The following RUNDC3A variants were observed in gnomAD, a reference collection of about 807,000 sequenced individuals.
The protein encoded by RUNDC3A is RUN domain containing 3A.
A neutral mutation model predicts 53.9 loss-of-function variants in RUNDC3A; 28 were observed. That is an observed-to-expected ratio of 0.52 (90% CI 0.38 to 0.71). RUNDC3A has a LOEUF of 0.71. Among genes scored for constraint, RUNDC3A ranks in the 30% least tolerant of loss-of-function variants. The pLI is 0.00. For missense variants in RUNDC3A, 491 were observed against 597.3 expected, an observed-to-expected ratio of 0.82 and a Z score of 1.85; for synonymous variants, 232 against 249.4, an observed-to-expected ratio of 0.93 and a Z score of 0.66.
intron 1 of RUNDC3A, among the ~76,000 whole-genome samples, chr17:44,311,685 T>C: frequency 6.6e-6 from 1 of 152,082 alleles, no homozygotes; most frequent in Admixed American, 6.5e-5. Context: ...ATCCCTGCCC[T>C]ACTCCATTGC....
chr17:44,314,191 G>A (rs2047806624), intron 4 of RUNDC3A: 1 of 996,326 alleles, frequency 1.0e-6, no homozygotes, highest in Admixed American at 5.6e-5. Flanking sequence ...CGGACACAGA[G>A]TCCTTATATG....
At position 44,308,696 on chromosome 17, in the gene RUNDC3A, C is replaced by G; in HGVS notation, c.-137C>G. On this transcript the variant is annotated 5_prime_UTR_variant, in exon 1 of 11. Transcript: ENST00000426726. ...GAGCGAGGGGGCCGGGCACCGGGCG[C>G]AAAGGCAGGGGGATGGCCATGGAAG... 1 of 489,052 alleles carries G rather than the reference C, an allele frequency of 2.0e-6. No homozygotes were observed. Among genetic ancestry groups the G allele is most frequent in the Middle Eastern group, 5.5e-4 (1 of 1,816 alleles). 30.3% of individuals were successfully genotyped at this position (489,052 alleles called of 1,614,324 possible). A position where few individuals can be genotyped will look rare whatever the true frequency, so the allele number is the denominator to read the frequency against.
chr17:44,317,811 G>C (rs1323024762), intron 10 of RUNDC3A: 16 of 595,080 alleles, frequency 2.7e-5, no homozygotes, highest in East Asian at 1.7e-4. Flanking sequence ...CCAGTGCTTG[G>C]AACAGAGCGA....
In RUNDC3A at chr17:44,314,968, C is replaced by T. The variant is rs773530573; in HGVS notation, c.588C>T (p.Pro196=). Residue 196 remains proline (P), a synonymous_variant, in exon 6 of 11, where the codon CCC becomes CCT. Coordinates refer to ENST00000426726, the MANE Select transcript of RUNDC3A (RefSeq NM_001144825.2). ...LKGEVLDGKT[P]VVIDYTPYLK... is the part of the protein sequence containing the mutation. The stretch of plus-strand genomic sequence containing the variant: ...GGGAAGTCCTGGACGGGAAGACCCC[C>T]GTGGTCATCGATTACACGCCCTACC... 2 of 1,614,020 alleles carry T rather than the reference C, an allele frequency of 1.2e-6. No individual in the cohort carries two copies. Among genetic ancestry groups the T allele is most frequent in the East Asian group, 2.2e-5 (1 of 44,876 alleles).
intron 1 of RUNDC3A, chr17:44,311,309 G>C (rs1290630464): frequency 1.0e-6 from 1 of 985,396 alleles, no homozygotes; most frequent in African/African-American, 1.7e-5. Context: ...TCCAGGCCTT[G>C]GTCATCACAA....
Position 44,315,620 on chromosome 17 carries a change from G to A in RUNDC3A, c.953+11G>A. 2.1e-6 allele frequency: 3 copies of A among 1,457,470 alleles called. No homozygotes were observed. The highest frequency in any genetic ancestry group is 2.7e-6 in the Non-Finnish European group (3 of 1,098,762). 90.3% of individuals were successfully genotyped at this position (1,457,470 alleles called of 1,614,324 possible). ...GCTGCAGGAGCAGCTGTGAGCGCACGGCCTGCCCTAACCCCTGACCCCCGC... is the reference window on the plus strand; with the variant it reads ...GCTGCAGGAGCAGCTGTGAGCGCACAGCCTGCCCTAACCCCTGACCCCCGC... On this transcript the variant is annotated intron_variant, in intron 8 of 10. Transcript: ENST00000426726. This position sits in a 1 kb window ranked among gnomAD's most constrained non-coding sequence, Gnocchi z 6.1.
In RUNDC3A at chr17:44,315,119, GC is replaced by G; in HGVS notation, c.630-35del. 1.9e-6 allele frequency: 3 copies of G among 1,595,200 alleles called. No homozygotes were observed. The highest frequency in any genetic ancestry group is 2.6e-6 in the Non-Finnish European group (3 of 1,170,636). On this transcript the variant is annotated intron_variant, in intron 6 of 10. Transcript: ENST00000426726. The surrounding 1 kb of genome is among the most constrained non-coding windows in gnomAD (Gnocchi z 6.1). The stretch of plus-strand genomic sequence containing the variant: ...CCAGCGCAGACGCGCGGGGGGAGGG[GC>G]GGGACCGGCCGTGCCCACTGCTCCC...
Position 44,312,668 on chromosome 17 carries a change from G to C in RUNDC3A, c.196G>C (p.Glu66Gln). ...GTTTGTCAATTTTGCAGCCATTTTA[G>C]AGCAGATCCTCAGCCACCGCTTCAA... ...EEFVNFAAIL[E>Q]QILSHRFKAC... Residue 66 changes from glutamate (E) to glutamine (Q), a missense_variant, in exon 2 of 11, where the codon GAG becomes CAG. Glu to Gln is a conservative substitution (Grantham distance 29). Transcript: ENST00000426726. 6.3e-7 allele frequency: 1 copy of C among 1,578,716 alleles called. No individual in the cohort carries two copies. Among genetic ancestry groups the C allele is most frequent in the Non-Finnish European group, 8.6e-7 (1 of 1,162,358 alleles).
chr17:44,309,057 TAA>T, intron 1 of RUNDC3A, 118 bp downstream of exon 1: 2 of 690,390 alleles, frequency 2.9e-6, no homozygotes. Flanking sequence ...GGGTCGAGAA[TAA>T]TGCGTCCACT....
intron 8 of RUNDC3A, 136 bp from the exon 9 acceptor site, chr17:44,316,249 C>A: frequency 1.3e-6 from 1 of 744,398 alleles, no homozygotes; most frequent in Non-Finnish European, 2.2e-6. Flanking sequence ...CGGGATCTGG[C>A]CCACTGACCC....
At chr17:44,309,000 G>A (rs1463653031) in intron 1 of RUNDC3A, 61 bp downstream of exon 1, 9 of 1,196,578 alleles carry the variant, frequency 7.5e-6, no homozygotes, top group Non-Finnish European at 1.1e-5. Flanking sequence ...GGTGGACTGC[G>A]GAAACCCGGA....
Position 44,318,047 on chromosome 17 carries a change from C to G in RUNDC3A, c.1199-49C>G, listed in dbSNP as rs1327886804. The G allele has an allele frequency of 3.3e-6, 5 of 1,527,082 alleles. No individual in the cohort carries two copies. In the Admixed American group the frequency reaches 9.9e-5, roughly 30 times the overall value. The allele number at this position is 1,527,082 out of a possible 1,614,324, so 94.6% of individuals were successfully genotyped here. ...TTCACTGCCCACCCCTCTACCAACT[C>G]CCACACATGTAGACTGGTCGCTTGG... On this transcript the variant is annotated intron_variant, in intron 10 of 10. Transcript: ENST00000426726.
chr17:44,311,341 T>G, intron 1 of RUNDC3A: 1 of 985,528 alleles, frequency 1.0e-6, no homozygotes, highest in Non-Finnish European at 1.2e-6. Context: ...AGGCCACAGA[T>G]GTAGCAGAAA....
rs1598319670 is a variant in RUNDC3A, at chr17:44,308,735, C to T, written c.-98C>T. The T allele has an allele frequency of 4.0e-6, 3 of 744,430 alleles. No individual in the cohort carries two copies. The highest frequency in any genetic ancestry group is 6.2e-6 in the Non-Finnish European group (3 of 481,504). 46.1% of individuals were successfully genotyped at this position (744,430 alleles called of 1,614,324 possible). On this transcript the variant is annotated 5_prime_UTR_variant, in exon 1 of 11. Transcript: ENST00000426726. ...TGGCCATGGAAGGGTTGAGGGGCCC[C>T]GTCGGACAGAGGGCCCAGCCGTGAT... is the stretch of plus-strand genomic sequence containing the variant.
chr17:44,308,806 C>A lies in RUNDC3A; in HGVS notation c.-27C>A, dbSNP rs1426131525. 2.7e-6 allele frequency: 4 copies of A among 1,489,724 alleles called. No individual in the cohort carries two copies. Among genetic ancestry groups the A allele is most frequent in the Non-Finnish European group, 1.8e-6 (2 of 1,090,360 alleles). 92.3% of individuals were successfully genotyped at this position (1,489,724 alleles called of 1,614,324 possible). On this transcript the variant is annotated 5_prime_UTR_variant, in exon 1 of 11. Coordinates refer to ENST00000426726, the MANE Select transcript of RUNDC3A (RefSeq NM_001144825.2). ...CCGGGAGGGGTGGGGGGGCAGCGGG[C>A]GGCGGCAGCAGTGGCCGCACATCTG... is the stretch of plus-strand genomic sequence containing the variant.
intron 4 of RUNDC3A, 28 bp downstream of exon 4, chr17:44,313,531 C>A: frequency 6.2e-7 from 1 of 1,600,588 alleles, no homozygotes; most frequent in Non-Finnish European, 8.5e-7. Context: ...ACTCAGACCA[C>A]AGGTCTCAGA....
In RUNDC3A at chr17:44,313,403, G is replaced by A. The variant is rs1213521662; in HGVS notation, c.373-15G>A. ...TCCCTCTGGGGCAGCAAGTAAAGGT[G>A]AACATGATTTCCAGGGCCGGGCATG... On this transcript the variant is annotated splice_polypyrimidine_tract_variant and intron_variant, in intron 3 of 10. Coordinates refer to ENST00000426726, the MANE Select transcript of RUNDC3A (RefSeq NM_001144825.2). 1 of 1,613,904 alleles carries A rather than the reference G, an allele frequency of 6.2e-7. No individual in the cohort carries two copies. Among genetic ancestry groups the A allele is most frequent in the Non-Finnish European group, 8.5e-7 (1 of 1,179,822 alleles).
Position 44,315,757 on chromosome 17 carries a change from C to A in RUNDC3A, c.953+148C>A. Reference sequence around the variant, plus strand: ...CAACCCTCTGATCCAGCCAGCCCCACCCCGAGATGCCCACAATGATCTTCT... The same window carrying A: ...CAACCCTCTGATCCAGCCAGCCCCAACCCGAGATGCCCACAATGATCTTCT... On this transcript the variant is annotated intron_variant, in intron 8 of 10. Coordinates refer to ENST00000426726, the MANE Select transcript of RUNDC3A (RefSeq NM_001144825.2). The surrounding 1 kb of genome is among the most constrained non-coding windows in gnomAD (Gnocchi z 6.1). 3.2e-6 allele frequency: 2 copies of A among 617,510 alleles called. No homozygotes were observed. Among genetic ancestry groups the A allele is most frequent in the Non-Finnish European group, 2.4e-6 (1 of 410,662 alleles). The allele number at this position is 617,510 out of a possible 1,614,324, so 38.3% of individuals were successfully genotyped here.
Position 44,315,170 on chromosome 17 carries a change from G to T in RUNDC3A, c.645G>T (p.Thr215=). Residue 215 remains threonine, a synonymous_variant, in exon 7 of 11, where the codon ACG becomes ACT. Transcript: ENST00000426726. The surrounding 1 kb of genome is among the most constrained non-coding windows in gnomAD (Gnocchi z 6.1). ...CTCTCCCAAGCTACGACTACCTGACGGACGAGGAGGAGCGGCACAGCGCCG... is the reference window on the plus strand; with the variant it reads ...CTCTCCCAAGCTACGACTACCTGACTGACGAGGAGGAGCGGCACAGCGCCG... The part of the protein sequence containing the change: ...LKFTQSYDYL[T]DEEERHSAES... 6.4e-7 allele frequency: 1 copy of T among 1,568,244 alleles called. No homozygotes were observed. The highest frequency in any genetic ancestry group is 8.6e-7 in the Non-Finnish European group (1 of 1,156,432).
Sources: gnomAD v4.1 joint callset for allele counts (sites outside exome capture counted in the v4.1 genomes callset) on GRCh38, gnomAD v4.1.1 for gene constraint, Gnocchi (gnomAD v3.1) non-coding constraint, MANE v1.5 for transcripts, NCBI Gene and HGNC (gene_info 2026-07-23, HGNC 2026-07-21) for gene names.